Variants in BMPR1A observed in about 807,000 individuals in gnomAD.
BMPR1A encodes bone morphogenetic protein receptor type-1A.
A neutral mutation model predicts 66.0 loss-of-function variants in BMPR1A; 7 were observed. That is an observed-to-expected ratio of 0.11 (90% CI 0.06 to 0.20). The LOEUF (loss-of-function observed/expected upper bound fraction) is 0.20, where lower values mean the gene tolerates loss of function less well. Ranked by LOEUF, BMPR1A falls within the 10% of genes least tolerant of loss-of-function variation. The pLI is 1.00. For synonymous variants in BMPR1A, 200 were observed against 229.7 expected (o/e 0.87, Z 1.17); for missense variants, 408 against 669.1 (o/e 0.61, Z 4.31).
At chr10:86,783,308 A>G (rs1841464682) in intron 1 of BMPR1A, among the ~76,000 whole-genome samples, 1 of 152,208 alleles carries the variant, frequency 6.6e-6, no homozygotes, top group South Asian at 2.1e-4. Context: ...GTTCTTAATC[A>G]AGGTTGTTTT....
Position 86,814,569 on chromosome 10 carries a change from TACTG to T in BMPR1A, c.-267-24294_-267-24291del, listed in dbSNP as rs545207366. ...ATAAATTTTTAAATTTCTAATTACT[TACTG>T]AGTCATGTTCTCACATTTCTGAGTT... On this transcript the variant is annotated intron_variant, in intron 1 of 12. Transcript: ENST00000372037. Among the ~76,000 whole-genome samples the T allele has an allele frequency of 8.0e-4, 122 of 152,260 alleles. No individual in the cohort carries two copies. The South Asian group carries it at 0.012, about 15-fold the overall frequency.
intron 2 of BMPR1A, among the ~76,000 whole-genome samples, chr10:86,865,763 C>T (rs886434470): frequency 5.9e-5 from 9 of 152,350 alleles, no homozygotes; most frequent in Admixed American, 2.0e-4. Context: ...CATTTTCTAT[C>T]CTGGTCCCTG....
At chr10:86,826,214 A>G (rs1370536941) in intron 1 of BMPR1A, among the ~76,000 whole-genome samples, 1 of 152,190 alleles carries the variant, frequency 6.6e-6, no homozygotes, top group African/African-American at 2.4e-5. Context: ...GAAGAGTTAC[A>G]TTATCATACT....
intron 10 of BMPR1A, 112 bp from the exon 11 acceptor site, chr10:86,921,408 A>G: frequency 1.5e-6 from 2 of 1,369,094 alleles, no homozygotes; most frequent in Non-Finnish European, 2.0e-6. Flanking sequence ...AAATTCCACA[A>G]TGCATCTGGC....
chr10:86,856,878 A>G (rs1842648569), intron 2 of BMPR1A, among the ~76,000 whole-genome samples: 1 of 152,194 alleles, frequency 6.6e-6, no homozygotes, highest in Non-Finnish European at 1.5e-5. Flanking sequence ...AAATTAACTG[A>G]CTGAACTTGG....
In BMPR1A at chr10:86,919,384, C is replaced by G. The variant is rs764466442; in HGVS notation, c.1081C>G (p.Arg361Gly). ...GTQGKPAIAHRDLKSKNILIK... is the reference protein window; with the variant it reads ...GTQGKPAIAHGDLKSKNILIK... ...CCAAGGAAAGCCCGCAATTGCTCAT[C>G]GAGACCTAAAGAGCAAAAACATCCT... The change falls in exon 10 of 13, where the codon CGA (arginine) becomes GGA (glycine). Residue 361 changes from arginine (R) to glycine (G), a missense_variant. This residue lies in a region of BMPR1A where 130 missense variants were observed against 257.3 expected (regional missense o/e 0.51). Transcript: ENST00000372037. 5 of 1,612,804 alleles carry G rather than the reference C, an allele frequency of 3.1e-6. No homozygotes were observed. In the Admixed American group the frequency reaches 8.3e-5, roughly 27 times the overall value.
At chr10:86,816,543 G>T (rs1842037146) in intron 1 of BMPR1A, among the ~76,000 whole-genome samples, 1 of 152,124 alleles carries the variant, frequency 6.6e-6, no homozygotes, top group South Asian at 2.1e-4. Flanking sequence ...TACAGATGGG[G>T]ATTAAGCGAA....
downstream of BMPR1A, chr10:86,928,949 C>A (rs1843783639): frequency 6.6e-6 from 1 of 151,882 alleles, no homozygotes; most frequent in South Asian, 2.1e-4. Flanking sequence ...GCCACTGCAC[C>A]CGGCCTTATT....
intron 2 of BMPR1A, among the ~76,000 whole-genome samples, chr10:86,851,841 T>C (rs1036125730): frequency 2.0e-5 from 3 of 152,228 alleles, no homozygotes; most frequent in African/African-American, 7.2e-5. Flanking sequence ...AGTTGTCAGA[T>C]GACAAAAAGT....
At chr10:86,913,984 T>C (rs1237324114) in intron 8 of BMPR1A, among the ~76,000 whole-genome samples, 5 of 152,158 alleles carry the variant, frequency 3.3e-5, no homozygotes, top group African/African-American at 1.2e-4. Flanking sequence ...GAGGAATCAC[T>C]ACCTGATTTC....
chr10:86,816,940 A>G (rs189442416), intron 1 of BMPR1A, among the ~76,000 whole-genome samples: 19 of 152,352 alleles, frequency 1.2e-4, no homozygotes, highest in African/African-American at 4.6e-4. Context: ...GTCTATGTGC[A>G]TATTATCAGT....
At chr10:86,908,684 T>C (rs541129096) in intron 7 of BMPR1A, among the ~76,000 whole-genome samples, 1 of 152,304 alleles carries the variant, frequency 6.6e-6, no homozygotes, top group South Asian at 2.1e-4. Context: ...AGAGGTCATC[T>C]GCTGTTGCGT....
intron 1 of BMPR1A, among the ~76,000 whole-genome samples, chr10:86,784,249 T>A (rs1395464757): frequency 6.6e-6 from 1 of 152,190 alleles, no homozygotes; most frequent in Non-Finnish European, 1.5e-5. Context: ...TGTATGGTCT[T>A]TATTATGTTC....
At position 86,875,947 on chromosome 10, in the gene BMPR1A, T is replaced by C; in HGVS notation, c.-72T>C. ...ACAAGAAAATCTCACTGAATGATAG[T>C]CATTTAAATTGGTGAAGTAGCAAGA... On this transcript the variant is annotated 5_prime_UTR_variant, in exon 3 of 13. Coordinates refer to ENST00000372037, the MANE Select transcript of BMPR1A (RefSeq NM_004329.3). 2 of 1,238,202 alleles carry C rather than the reference T, an allele frequency of 1.6e-6. No individual in the cohort carries two copies. The highest frequency in any genetic ancestry group is 1.2e-5 in the South Asian group (1 of 83,456). 76.7% of individuals were successfully genotyped at this position (1,238,202 alleles called of 1,614,324 possible).
At chr10:86,813,667 A>C (rs182463903) in intron 1 of BMPR1A, among the ~76,000 whole-genome samples, 7 of 152,182 alleles carry the variant, frequency 4.6e-5, no homozygotes, top group Non-Finnish European at 1.0e-4. Context: ...TTCCCTGTGC[A>C]GTTGTCTTCC....
chr10:86,908,437 A>G (rs893503085), intron 7 of BMPR1A, among the ~76,000 whole-genome samples: 7 of 152,196 alleles, frequency 4.6e-5, no homozygotes, highest in Non-Finnish European at 1.0e-4. Context: ...GGAGGTGTTC[A>G]GTCTAGTACG....
rs574861235 is a variant in BMPR1A, at chr10:86,923,736, G to A, written c.*17G>A. On this transcript the variant is annotated 3_prime_UTR_variant, in exon 13 of 13. Coordinates refer to ENST00000372037, the MANE Select transcript of BMPR1A (RefSeq NM_004329.3). ...AAAATCTGATGGTTAAACCATCGGA[G>A]GAGAAACTCTAGACTGCAAGAACTG... 1.7e-5 allele frequency: 28 copies of A among 1,612,454 alleles called. No individual in the cohort carries two copies. The highest frequency in any genetic ancestry group is 2.2e-5 in the Non-Finnish European group (26 of 1,179,846).
Position 86,924,221 on chromosome 10 carries a change from G to C in BMPR1A, c.*502G>C. 3.7e-6 allele frequency: 1 copy of C among 266,948 alleles called. No homozygotes were observed. Among genetic ancestry groups the C allele is most frequent in the Non-Finnish European group, 7.3e-6 (1 of 137,114 alleles). 16.5% of individuals were successfully genotyped at this position (266,948 alleles called of 1,614,324 possible). ...TGCTTATTTTATGATAGTTTGTCCT[G>C]TGTCCTTAGTGATGTGTGTGTGTCT... is the stretch of plus-strand genomic sequence containing the variant. On this transcript the variant is annotated 3_prime_UTR_variant, in exon 13 of 13. Coordinates refer to ENST00000372037, the MANE Select transcript of BMPR1A (RefSeq NM_004329.3).
intron 3 of BMPR1A, among the ~76,000 whole-genome samples, chr10:86,887,246 G>A (rs1274394120): frequency 6.6e-6 from 1 of 152,042 alleles, no homozygotes; most frequent in Admixed American, 6.6e-5. Context: ...ACATCTTTGC[G>A]TTTCTAGCAT....
Sources: gnomAD v4.1 joint callset for allele counts (sites outside exome capture counted in the v4.1 genomes callset) on GRCh38, gnomAD v4.1.1 for gene constraint, gnomAD v4.1.1 regional missense constraint, MANE v1.5 for transcripts, NCBI Gene and HGNC (gene_info 2026-07-23, HGNC 2026-07-21) for gene names.